The following UPF2 variants were observed in gnomAD, a reference collection of about 807,000 sequenced individuals.
UPF2 encodes the protein regulator of nonsense transcripts 2.
A neutral mutation model predicts 141.4 loss-of-function variants in UPF2; 17 were observed. That is an observed-to-expected ratio of 0.12 (90% CI 0.08 to 0.18). UPF2 has a LOEUF of 0.18. UPF2 is among the 10% of genes least tolerant of loss of function. The pLI, the probability that UPF2 is intolerant of heterozygous loss-of-function variation, is 1.00. For missense variants in UPF2, 1,152 were observed against 1,515.9 expected (o/e 0.76, Z 3.99); for synonymous variants, 540 against 498.0 (o/e 1.08, Z -1.12).
intron 3 of UPF2, among the ~76,000 whole-genome samples, chr10:12,015,247 G>C (rs1834197618): frequency 6.6e-6 from 1 of 152,148 alleles, no homozygotes; most frequent in Non-Finnish European, 1.5e-5. Flanking sequence ...AAACAGTGAA[G>C]AAAACGAGGT....
At chr10:11,988,487 A>G (rs754179693) in intron 8 of UPF2, among the ~76,000 whole-genome samples, 1 of 152,094 alleles carries the variant, frequency 6.6e-6, no homozygotes, top group Non-Finnish European at 1.5e-5. Flanking sequence ...TATTTTTTGT[A>G]GAGGATGGGG....
chr10:11,953,527 T>A lies in UPF2; in HGVS notation c.2851-1278A>T, dbSNP rs1833104299. 6.6e-6 allele frequency among the ~76,000 whole-genome samples: 1 copy of A among 152,260 alleles called. No individual in the cohort carries two copies. Among genetic ancestry groups the A allele is most frequent in the African/African-American group, 2.4e-5 (1 of 41,462 alleles). On this transcript the variant is annotated intron_variant, in intron 14 of 21. Transcript: ENST00000357604. This position sits in a 1 kb window ranked among gnomAD's most constrained non-coding sequence, Gnocchi z 5.0. Reference sequence around the variant, plus strand: ...TCTGTTACACATTTTTGTCTGTTAATCAGTTTGGAAAATATTTTTGTCTCT... The same window carrying A: ...TCTGTTACACATTTTTGTCTGTTAAACAGTTTGGAAAATATTTTTGTCTCT...
In UPF2 at chr10:11,923,664, C is replaced by T. The variant is rs373555128; in HGVS notation, c.3810-2357G>A. Among the ~76,000 whole-genome samples the T allele has an allele frequency of 8.2e-5, 11 of 134,622 alleles. No homozygotes were observed. The East Asian group carries it at 1.2e-3, about 15-fold the overall frequency. The allele number at this position is 134,622 out of a possible 152,430, so 88.3% of individuals were successfully genotyped here. The stretch of plus-strand genomic sequence containing the variant: ...CACTGCACTCCGATATAGCGAGACC[C>T]CATCTCAAAAAAAAAAAAAAAAAAA... On this transcript the variant is annotated intron_variant, in intron 21 of 21. Coordinates refer to ENST00000357604, the MANE Select transcript of UPF2 (RefSeq NM_015542.4).
rs1832905518 is a variant in UPF2 at position 11,939,205 on chromosome 10, T to C, written c.3379-2493A>G. Reference sequence around the variant, plus strand: ...CTTGTCTTTCCAAGCCTCTGTTTCTTTAGCTAAAGCAAAGGAATACTAACA... The same window carrying C: ...CTTGTCTTTCCAAGCCTCTGTTTCTCTAGCTAAAGCAAAGGAATACTAACA... On this transcript the variant is annotated intron_variant, in intron 18 of 21. Coordinates refer to ENST00000357604, the MANE Select transcript of UPF2 (RefSeq NM_015542.4). The surrounding 1 kb of genome is among the most constrained non-coding windows in gnomAD (Gnocchi z 4.8). 6.6e-6 allele frequency among the ~76,000 whole-genome samples: 1 copy of C among 152,074 alleles called. No homozygotes were observed. The highest frequency in any genetic ancestry group is 6.5e-5 in the Admixed American group (1 of 15,268).
Position 12,004,504 on chromosome 10 carries a change from GT to G in UPF2, c.1504+25del, listed in dbSNP as rs763736661. 3.2e-6 allele frequency: 5 copies of G among 1,559,576 alleles called. No homozygotes were observed. In the African/African-American group the frequency reaches 6.9e-5, roughly 21 times the overall value. On this transcript the variant is annotated intron_variant, in intron 5 of 21. Coordinates refer to ENST00000357604, the MANE Select transcript of UPF2 (RefSeq NM_015542.4). ...GAAGCTAATTCTTATAGCACTTAATGTAAATATTTTTTCTCTAGAATTTACC... is the reference window on the plus strand; with the variant it reads ...GAAGCTAATTCTTATAGCACTTAATGAAATATTTTTTCTCTAGAATTTACC...
chr10:11,946,173 G>A (rs1014905718), intron 16 of UPF2, among the ~76,000 whole-genome samples: 5 of 152,058 alleles, frequency 3.3e-5, no homozygotes, highest in Non-Finnish European at 4.4e-5. Context: ...TGCCTATACT[G>A]TCTTTTCACA....
chr10:11,931,500 T>A lies in UPF2; in HGVS notation c.3688+141A>T. ...ATATTATTGTTATTTTACAAATAAG[T>A]GAAAGAAAAACAGTGGGATACAAAA... On this transcript the variant is annotated intron_variant, in intron 20 of 21. Transcript: ENST00000357604. The surrounding 1 kb of genome is among the most constrained non-coding windows in gnomAD (Gnocchi z 5.9). 1.1e-6 allele frequency: 1 copy of A among 931,094 alleles called. No individual in the cohort carries two copies. Among genetic ancestry groups the A allele is most frequent in the Non-Finnish European group, 1.5e-6 (1 of 663,990 alleles). The allele number at this position is 931,094 out of a possible 1,614,324, so 57.7% of individuals were successfully genotyped here. A position where few individuals can be genotyped will look rare whatever the true frequency, so the allele number is the denominator to read the frequency against.
At chr10:11,984,361 G>A (rs72777713) in intron 8 of UPF2, among the ~76,000 whole-genome samples, 6,094 of 151,998 alleles carry the variant, frequency 0.04, 175 homozygotes, top group Non-Finnish European at 0.055. Flanking sequence ...TATTTTAAGC[G>A]TATCATCTGC....
At chr10:12,018,050 C>G (rs572423644) in intron 3 of UPF2, among the ~76,000 whole-genome samples, 1 of 152,180 alleles carries the variant, frequency 6.6e-6, no homozygotes. Flanking sequence ...TCTTTGACAT[C>G]TAAGTAATAC....
In UPF2 at chr10:12,029,181, C is replaced by G; in HGVS notation, c.709G>C (p.Ala237Pro). ...TTCCAGACCTGAAGAAGTGATGGGGCAAAGTCAGCATAACGCTGGTGAAAG... is the reference window on the plus strand; with the variant it reads ...TTCCAGACCTGAAGAAGTGATGGGGGAAAGTCAGCATAACGCTGGTGAAAG... ...SLFHQRYADFAPSLLQVWKKH... is the reference protein window; with the variant it reads ...SLFHQRYADFPPSLLQVWKKH... Residue 237 changes from alanine (A) to proline (P), a missense_variant, in exon 3 of 22, where the codon GCC (alanine) becomes CCC (proline). Transcript: ENST00000357604. The G allele has an allele frequency of 3.7e-6, 6 of 1,614,176 alleles. No homozygotes were observed. Among genetic ancestry groups the G allele is most frequent in the Non-Finnish European group, 5.1e-6 (6 of 1,180,036 alleles).
chr10:12,003,447 CAAG>C (rs975267425), intron 5 of UPF2, among the ~76,000 whole-genome samples: 1 of 152,028 alleles, frequency 6.6e-6, no homozygotes, highest in African/African-American at 2.4e-5. Context: ...GGCAAGAAGG[CAAG>C]AAGATGGGCC....
chr10:12,014,309 T>A lies in UPF2; in HGVS notation c.1146-125A>T. 1.0e-6 allele frequency: 1 copy of A among 964,422 alleles called. No individual in the cohort carries two copies. Among genetic ancestry groups the A allele is most frequent in the South Asian group, 4.7e-5 (1 of 21,126 alleles). 59.7% of individuals were successfully genotyped at this position (964,422 alleles called of 1,614,324 possible). A position where few individuals can be genotyped will look rare whatever the true frequency, so the allele number is the denominator to read the frequency against. ...ATTTAGTAAAATCTTCATTTTTATT[T>A]AACATTTGAATCTAGTATTTTCAAA... On this transcript the variant is annotated intron_variant, in intron 3 of 21. Coordinates refer to ENST00000357604, the MANE Select transcript of UPF2 (RefSeq NM_015542.4). The surrounding 1 kb of genome is among the most constrained non-coding windows in gnomAD (Gnocchi z 5.0).
chr10:12,000,774 C>A (rs1424942045), intron 6 of UPF2, among the ~76,000 whole-genome samples: 1 of 152,060 alleles, frequency 6.6e-6, no homozygotes, highest in African/African-American at 2.4e-5. Flanking sequence ...CCATGGCACT[C>A]CAGCCTGGGC....
chr10:11,986,483 A>G (rs1833694213), intron 8 of UPF2, among the ~76,000 whole-genome samples: 1 of 152,132 alleles, frequency 6.6e-6, no homozygotes, highest in Non-Finnish European at 1.5e-5. Context: ...TCTCCTAATC[A>G]ATTGGCTTTC....
intron 21 of UPF2, among the ~76,000 whole-genome samples, chr10:11,925,168 T>C (rs940889393): frequency 9.2e-5 from 14 of 152,178 alleles, no homozygotes; most frequent in African/African-American, 3.4e-4. Flanking sequence ...CTCTAAAGGG[T>C]AAAATCTCAT....
intron 10 of UPF2, among the ~76,000 whole-genome samples, chr10:11,965,545 C>T (rs1296273314): frequency 1.3e-5 from 2 of 152,240 alleles, no homozygotes; most frequent in African/African-American, 2.4e-5. Context: ...CTGCGAGCTC[C>T]ACCTCTCAGG....
rs200130781 is a variant in UPF2 at position 12,040,776 on chromosome 10, G to T, written c.-19+1979C>A. ...GAGTCCACTTATTTATCAATAAGATGGATATACTGCTATCTATCTTGTAGA... is the reference window on the plus strand; with the variant it reads ...GAGTCCACTTATTTATCAATAAGATTGATATACTGCTATCTATCTTGTAGA... On this transcript the variant is annotated intron_variant, in intron 1 of 21. Transcript: ENST00000357604. 2.0e-5 allele frequency among the ~76,000 whole-genome samples: 3 copies of T among 152,280 alleles called. No individual in the cohort carries two copies. In the East Asian group the frequency reaches 5.8e-4, roughly 29 times the overall value.
At position 12,018,648 on chromosome 10, in the gene UPF2, A is replaced by T. The variant is rs1834266236; in HGVS notation, c.1146-4464T>A. ...GCACCTACAGTCCTAGCTACTCAGG[A>T]GGTTGAGGTGGGAGGATCACCTGAA... On this transcript the variant is annotated intron_variant, in intron 3 of 21. Transcript: ENST00000357604. 2.0e-5 allele frequency among the ~76,000 whole-genome samples: 3 copies of T among 152,096 alleles called. No homozygotes were observed. The South Asian group carries it at 6.2e-4, about 32-fold the overall frequency.
At position 12,024,427 on chromosome 10, in the gene UPF2, T is replaced by C. The variant is rs928256417; in HGVS notation, c.1145+4318A>G. The stretch of plus-strand genomic sequence containing the variant: ...GAGTTCGAGACGAGCCTGGGCAACA[T>C]GGCGAAACCCCGTCTCTACTAAAAA... On this transcript the variant is annotated intron_variant, in intron 3 of 21. Coordinates refer to ENST00000357604, the MANE Select transcript of UPF2 (RefSeq NM_015542.4). 3.9e-5 allele frequency among the ~76,000 whole-genome samples: 6 copies of C among 151,974 alleles called. No homozygotes were observed. In the South Asian group the frequency reaches 1.0e-3, roughly 26 times the overall value.
Sources: allele counts gnomAD v4.1 joint callset (sites outside exome capture counted in the v4.1 genomes callset), GRCh38; gene constraint gnomAD v4.1.1; non-coding constraint Gnocchi (gnomAD v3.1); transcripts MANE v1.5; gene names NCBI Gene and HGNC (gene_info 2026-07-23, HGNC 2026-07-21).